Variants in SMARCA2 observed in about 807,000 individuals in gnomAD.
SMARCA2 encodes the protein SWI/SNF-related matrix-associated actin-dependent regulator of chromatin subfamily A member 2.
Under a neutral mutation model 199.8 loss-of-function variants are expected in SMARCA2, and 61 were observed. The observed-to-expected ratio is 0.31, with a 90% CI of 0.25 to 0.38. The LOEUF (loss-of-function observed/expected upper bound fraction) is 0.38, where lower values mean the gene tolerates loss of function less well. Among genes scored for constraint, SMARCA2 ranks in the 10% least tolerant of loss-of-function variants. The pLI, the probability that SMARCA2 is intolerant of heterozygous loss-of-function variation, is 1.00. For synonymous variants in SMARCA2, 935 were observed against 732.0 expected (o/e 1.28, Z -4.48); for missense variants, 1,344 against 2,012.2 (o/e 0.67, Z 6.35).
rs144414155 is a variant in SMARCA2 at position 2,073,578 on chromosome 9, C to A, written c.1890C>A (p.Ala630=). 2.5e-6 allele frequency: 4 copies of A among 1,611,968 alleles called. No individual in the cohort carries two copies. Among genetic ancestry groups the A allele is most frequent in the Admixed American group, 3.3e-5 (2 of 59,992 alleles). The change falls in exon 12 of 34, where the codon GCC becomes GCA. Residue 630 remains alanine, a synonymous_variant. Transcript: ENST00000349721. The part of the protein sequence containing the change: ...WLEMNPGYEV[A]PRSDSEESDS... ...TCTTTTTCCTTAGTTATGAAGTTGCCCCTAGATCTGACAGTGAAGAGAGTG... is the reference window on the plus strand; with the variant it reads ...TCTTTTTCCTTAGTTATGAAGTTGCACCTAGATCTGACAGTGAAGAGAGTG...
intron 7 of SMARCA2, among the ~76,000 whole-genome samples, chr9:2,057,748 C>T (rs758683812): frequency 3.3e-5 from 5 of 151,960 alleles, no homozygotes; most frequent in Admixed American, 6.6e-5. Flanking sequence ...TAATTTAGTG[C>T]TTAGCTTAGT....
chr9:2,104,238 C>A lies in SMARCA2; in HGVS notation c.3292+69C>A, dbSNP rs1822655493. The A allele has an allele frequency of 1.9e-5, 25 of 1,347,848 alleles. No homozygotes were observed. The South Asian group carries it at 3.1e-4, about 17-fold the overall frequency. The allele number at this position is 1,347,848 out of a possible 1,614,324, so 83.5% of individuals were successfully genotyped here. A position where few individuals can be genotyped will look rare whatever the true frequency, so the allele number is the denominator to read the frequency against. On this transcript the variant is annotated intron_variant, in intron 23 of 33. Transcript: ENST00000349721. The surrounding 1 kb of genome is among the most constrained non-coding windows in gnomAD (Gnocchi z 4.0). ...ATGAAGGGATAATGGGCACTTAGGT[C>A]CAATCTCAGCCAAAAAGAAGGGGTA... is the stretch of plus-strand genomic sequence containing the variant.
At chr9:2,018,801 T>G (rs1818474408) in intron 1 of SMARCA2, among the ~76,000 whole-genome samples, 1 of 152,210 alleles carries the variant, frequency 6.6e-6, no homozygotes, top group South Asian at 2.1e-4. Context: ...ACTTACATAT[T>G]CACATTCAAA....
intron 6 of SMARCA2, among the ~76,000 whole-genome samples, chr9:2,055,276 T>C (rs1820301557): frequency 6.6e-6 from 1 of 152,268 alleles, no homozygotes; most frequent in Non-Finnish European, 1.5e-5. Flanking sequence ...GACTAATCAG[T>C]AAATTATCTG....
At chr9:2,081,756 A>C in intron 14 of SMARCA2, 76 bp from the exon 15 acceptor site, 1 of 1,350,380 alleles carries the variant, frequency 7.4e-7, no homozygotes, top group Non-Finnish European at 1.0e-6. Context: ...AAGAAGTCAC[A>C]CCCTCACTTG....
At chr9:2,077,582 A>G (rs764698986) in intron 13 of SMARCA2, 47 bp from the exon 14 acceptor site, 4 of 1,582,022 alleles carry the variant, frequency 2.5e-6, no homozygotes, top group South Asian at 1.1e-5. Flanking sequence ...AAAACAACAC[A>G]TGCACGCACA....
Position 2,123,498 on chromosome 9 carries a change from A to G in SMARCA2, c.3763-221A>G, listed in dbSNP as rs1823554680. ...TTAAAAGTACTTTTTAAATGTATGA[A>G]TAAGTTTCAAAAGGTGGGTACAGAA... On this transcript the variant is annotated intron_variant, in intron 26 of 33. Coordinates refer to ENST00000349721, the MANE Select transcript of SMARCA2 (RefSeq NM_003070.5). This position sits in a 1 kb window ranked among gnomAD's most constrained non-coding sequence, Gnocchi z 4.1. 6.6e-6 allele frequency among the ~76,000 whole-genome samples: 1 copy of G among 152,206 alleles called. No homozygotes were observed. The highest frequency in any genetic ancestry group is 1.5e-5 in the Non-Finnish European group (1 of 68,038).
chr9:2,076,226 C>T lies in SMARCA2; in HGVS notation c.1936-3C>T. On this transcript the variant is annotated splice_polypyrimidine_tract_variant and splice_region_variant and intron_variant, in intron 12 of 33. Coordinates refer to ENST00000349721, the MANE Select transcript of SMARCA2 (RefSeq NM_003070.5). ...TTCCTCCCTATCTTTGTTCCTTTTCCAGGATGAGGAAGAAGAGTCCAGTAG... is the reference window on the plus strand; with the variant it reads ...TTCCTCCCTATCTTTGTTCCTTTTCTAGGATGAGGAAGAAGAGTCCAGTAG... 2 of 1,542,028 alleles carry T rather than the reference C, an allele frequency of 1.3e-6. No individual in the cohort carries two copies. The highest frequency in any genetic ancestry group is 1.8e-6 in the Non-Finnish European group (2 of 1,116,368).
intron 28 of SMARCA2, among the ~76,000 whole-genome samples, chr9:2,165,874 A>C (rs1825907495): frequency 6.6e-6 from 1 of 152,194 alleles, no homozygotes; most frequent in Non-Finnish European, 1.5e-5. Flanking sequence ...AGGGATGTTT[A>C]GCTCTGCCTG....
At chr9:2,127,807 G>T (rs1586732888) in intron 27 of SMARCA2, among the ~76,000 whole-genome samples, 1 of 152,132 alleles carries the variant, frequency 6.6e-6, no homozygotes, top group African/African-American at 2.4e-5. Flanking sequence ...TGGTGTTTTG[G>T]TTTCATTGAA....
Position 2,146,126 on chromosome 9 carries a change from G to T in SMARCA2, c.3982-15560G>T, listed in dbSNP as rs141436344. Among the ~76,000 whole-genome samples the T allele has an allele frequency of 2.6e-5, 4 of 152,328 alleles. No individual in the cohort carries two copies. In the East Asian group the frequency reaches 7.7e-4, roughly 29 times the overall value. On this transcript the variant is annotated intron_variant, in intron 27 of 33. Transcript: ENST00000349721. ...TAGAAGCTGGGAAGTCCAAGATCAA[G>T]GCACCAGCAGATTCCATGTCTGGTG...
chr9:2,163,454 G>A (rs370983297), intron 28 of SMARCA2, among the ~76,000 whole-genome samples: 3 of 152,166 alleles, frequency 2.0e-5, no homozygotes, highest in African/African-American at 7.2e-5. Context: ...AAACTTCCTT[G>A]TAAACCATGA....
chr9:2,027,412 C>T (rs528082007), intron 1 of SMARCA2, among the ~76,000 whole-genome samples: 2 of 151,960 alleles, frequency 1.3e-5, no homozygotes, highest in South Asian at 4.2e-4. Flanking sequence ...TGTCCTCCAG[C>T]CTGGGCAATA....
chr9:2,039,919 A>G lies in SMARCA2; in HGVS notation c.790+19A>G, dbSNP rs763347750. 1.9e-6 allele frequency: 3 copies of G among 1,611,560 alleles called. No individual in the cohort carries two copies. Among genetic ancestry groups the G allele is most frequent in the African/African-American group, 1.3e-5 (1 of 75,042 alleles). On this transcript the variant is annotated intron_variant, in intron 4 of 33. Coordinates refer to ENST00000349721, the MANE Select transcript of SMARCA2 (RefSeq NM_003070.5). This position sits in a 1 kb window ranked among gnomAD's most constrained non-coding sequence, Gnocchi z 4.8. ...CCATCTGGTAGGTTAATACGCAACC[A>G]AATGAATAATGCCATGGTCCAACTC...
At chr9:2,139,024 C>G (rs1207210432) in intron 27 of SMARCA2, among the ~76,000 whole-genome samples, 1 of 151,586 alleles carries the variant, frequency 6.6e-6, no homozygotes, top group Non-Finnish European at 1.5e-5. Flanking sequence ...CTTTTGGGGA[C>G]TCACCTGTAG....
chr9:2,180,905 C>G (rs1452221329), intron 29 of SMARCA2, among the ~76,000 whole-genome samples: 1 of 152,068 alleles, frequency 6.6e-6, no homozygotes, highest in Non-Finnish European at 1.5e-5. Context: ...GCTTGTGAAA[C>G]ATGTTCTTCT....
chr9:2,073,146 C>T lies in SMARCA2; in HGVS notation c.1747-66C>T, dbSNP rs962105325. ...CTGGGCAGCAAAAACTGCTGAGAAA[C>T]GTCCAGTACAGGACTGGGGGAAGGT... On this transcript the variant is annotated intron_variant, in intron 10 of 33. Transcript: ENST00000349721. 55 of 1,558,134 alleles carry T rather than the reference C, an allele frequency of 3.5e-5. No homozygotes were observed. In the African/African-American group the frequency reaches 4.0e-4, roughly 11 times the overall value.
intron 27 of SMARCA2, among the ~76,000 whole-genome samples, chr9:2,145,304 CAAAAAAAAAAAAAAA>C (rs56314428): frequency 1.6e-4 from 21 of 132,364 alleles, no homozygotes; most frequent in Admixed American, 7.8e-4. Context: ...ACTCTTGTCT[CAAAAAAAAAAAAAAA>C]AAAAAAAAAA....
At chr9:2,015,721 C>A (rs1169363265) in intron 1 of SMARCA2, among the ~76,000 whole-genome samples, 1 of 152,208 alleles carries the variant, frequency 6.6e-6, no homozygotes. Context: ...ATTACTACTT[C>A]AAGGGGGCAA....
Sources: allele counts gnomAD v4.1 joint callset (sites outside exome capture counted in the v4.1 genomes callset), GRCh38; gene constraint gnomAD v4.1.1; non-coding constraint Gnocchi (gnomAD v3.1); transcripts MANE v1.5; gene names NCBI Gene and HGNC (gene_info 2026-07-23, HGNC 2026-07-21).